AGAP1: variants seen among roughly 807,000 people sequenced by gnomAD.
AGAP1 encodes the protein arf-GAP with GTPase, ANK repeat and PH domain-containing protein 1.
AGAP1 carries 29 observed loss-of-function variants against 105.3 expected under a neutral mutation model. The ratio of observed to expected loss-of-function variants is 0.28; its 90% CI spans 0.21 to 0.38. The LOEUF is 0.38. Ranked by LOEUF, AGAP1 falls within the 10% of genes least tolerant of loss-of-function variation. AGAP1 has a pLI of 1.00. For synonymous variants in AGAP1, 509 were observed against 485.9 expected (o/e 1.05, Z -0.63); for missense variants, 998 against 1,165.1 (o/e 0.86, Z 2.09).
At chr2:236,026,073 G>T (rs2057041829) in intron 13 of AGAP1, among the ~76,000 whole-genome samples, 1 of 152,220 alleles carries the variant, frequency 6.6e-6, no homozygotes, top group Non-Finnish European at 1.5e-5. Flanking sequence ...CACAGGGAGT[G>T]GCCTGATAAC....
intron 13 of AGAP1, among the ~76,000 whole-genome samples, chr2:235,999,476 G>A (rs1361116773): frequency 6.6e-6 from 1 of 150,584 alleles, no homozygotes; most frequent in Non-Finnish European, 1.5e-5. Flanking sequence ...AGTGATTGTG[G>A]TGACGATGGT....
chr2:235,825,126 A>G (rs997221049), intron 9 of AGAP1, among the ~76,000 whole-genome samples: 9 of 152,276 alleles, frequency 5.9e-5, no homozygotes, highest in Admixed American at 5.9e-4. Context: ...TTGAGTGTGG[A>G]TAGAAGGAGA....
At chr2:235,859,185 C>A (rs528178671) in intron 9 of AGAP1, among the ~76,000 whole-genome samples, 2 of 152,206 alleles carry the variant, frequency 1.3e-5, no homozygotes, top group South Asian at 4.2e-4. Flanking sequence ...TTCCATTAGC[C>A]GTACTCTGGG....
chr2:236,091,272 CCT>C (rs2059053450), intron 16 of AGAP1, among the ~76,000 whole-genome samples: 1 of 152,200 alleles, frequency 6.6e-6, no homozygotes, highest in African/African-American at 2.4e-5. Context: ...GGGGCCCTGC[CCT>C]CTGACACAGG....
At chr2:235,942,611 G>A (rs1575838777) in intron 12 of AGAP1, among the ~76,000 whole-genome samples, 1 of 151,774 alleles carries the variant, frequency 6.6e-6, no homozygotes, top group African/African-American at 2.4e-5. Context: ...CACAGAGGTT[G>A]CAGTGAGCCG....
At chr2:235,516,337 A>G (rs1375105274) in intron 1 of AGAP1, among the ~76,000 whole-genome samples, 1 of 152,068 alleles carries the variant, frequency 6.6e-6, no homozygotes, top group East Asian at 1.9e-4. Context: ...TCTCAGGCCC[A>G]GGAGCATTAT....
rs538097989 is a variant in AGAP1, at chr2:236,082,539, G to A, written c.2114+33258G>A. ...CCAAAAGGCCTATCAGGGGCAAACAGCTCACCTGCAGTGGTGATTGGTTTA... is the reference window on the plus strand; with the variant it reads ...CCAAAAGGCCTATCAGGGGCAAACAACTCACCTGCAGTGGTGATTGGTTTA... On this transcript the variant is annotated intron_variant, in intron 16 of 17. Transcript: ENST00000304032. The surrounding 1 kb of genome is among the most constrained non-coding windows in gnomAD (Gnocchi z 4.2). Among the ~76,000 whole-genome samples the A allele has an allele frequency of 6.8e-4, 103 of 152,320 alleles. No homozygotes were observed. Among genetic ancestry groups the A allele is most frequent in the Non-Finnish European group, 1.4e-3 (95 of 68,034 alleles).
chr2:235,738,013 G>A (rs144351404), intron 3 of AGAP1, among the ~76,000 whole-genome samples: 34 of 152,096 alleles, frequency 2.2e-4, no homozygotes, highest in Middle Eastern at 3.4e-3. Context: ...CTCAGCGTCC[G>A]GAGGGCACAG....
In AGAP1 at chr2:236,040,520, T is replaced by C; in HGVS notation, c.1801-231T>C. ...TTGCTCATTTCTGGCAGAGTCCGTC[T>C]CAGCTGATGAGTTAAAATGTGACAT... On this transcript the variant is annotated intron_variant, in intron 14 of 17. Transcript: ENST00000304032. This position sits in a 1 kb window ranked among gnomAD's most constrained non-coding sequence, Gnocchi z 5.6. 1.9e-6 allele frequency: 1 copy of C among 536,976 alleles called. No individual in the cohort carries two copies. The highest frequency in any genetic ancestry group is 3.4e-6 in the Non-Finnish European group (1 of 298,506). The allele number at this position is 536,976 out of a possible 1,614,324, so 33.3% of individuals were successfully genotyped here. A position where few individuals can be genotyped will look rare whatever the true frequency, so the allele number is the denominator to read the frequency against.
chr2:235,754,555 T>C lies in AGAP1; in HGVS notation c.673+4067T>C, dbSNP rs530811312. On this transcript the variant is annotated intron_variant, in intron 6 of 17. Transcript: ENST00000304032. This position sits in a 1 kb window ranked among gnomAD's most constrained non-coding sequence, Gnocchi z 4.6. ...TCTTCTCCAACATTTGACTTCTTAG[T>C]GTCTTGTAACAAAAGGACATTGTAA... Among the ~76,000 whole-genome samples, 11 of 152,352 alleles carry C rather than the reference T, an allele frequency of 7.2e-5. No individual in the cohort carries two copies. Among genetic ancestry groups the C allele is most frequent in the East Asian group, 5.8e-4 (3 of 5,182 alleles).
chr2:235,936,845 G>A lies in AGAP1; in HGVS notation c.1483+5922G>A, dbSNP rs1193041875. Reference sequence around the variant, plus strand: ...TCTCTGATAACTGAGCTTCCAAAAGGCTGAGAAACCAAGACCATACTTATC... The same window carrying A: ...TCTCTGATAACTGAGCTTCCAAAAGACTGAGAAACCAAGACCATACTTATC... On this transcript the variant is annotated intron_variant, in intron 12 of 17. Coordinates refer to ENST00000304032, the MANE Select transcript of AGAP1 (RefSeq NM_001037131.3). The surrounding 1 kb of genome is among the most constrained non-coding windows in gnomAD (Gnocchi z 4.7). Among the ~76,000 whole-genome samples, 1 of 151,962 alleles carries A rather than the reference G, an allele frequency of 6.6e-6. No individual in the cohort carries two copies. Among genetic ancestry groups the A allele is most frequent in the Non-Finnish European group, 1.5e-5 (1 of 68,026 alleles).
intron 1 of AGAP1, among the ~76,000 whole-genome samples, chr2:235,506,770 C>G (rs1289865157): frequency 6.6e-6 from 1 of 152,190 alleles, no homozygotes; most frequent in African/African-American, 2.4e-5. Flanking sequence ...CACTCACATC[C>G]ATGTTCATCC....
intron 1 of AGAP1, among the ~76,000 whole-genome samples, chr2:235,650,161 A>T (rs1252645500): frequency 1.3e-5 from 2 of 152,196 alleles, no homozygotes; most frequent in African/African-American, 2.4e-5. Context: ...CAGGAGTTCG[A>T]GACCAGCCTG....
chr2:235,994,637 C>T lies in AGAP1; in HGVS notation c.1645+26014C>T, dbSNP rs756058909. The stretch of plus-strand genomic sequence containing the variant: ...CCGACTTTCCCAACGCCTCGCAGCC[C>T]GATGATACAGAGACGGGGCAGCAGT... On this transcript the variant is annotated intron_variant, in intron 13 of 17. Coordinates refer to ENST00000304032, the MANE Select transcript of AGAP1 (RefSeq NM_001037131.3). The surrounding 1 kb of genome is among the most constrained non-coding windows in gnomAD (Gnocchi z 4.4). Among the ~76,000 whole-genome samples, 9 of 152,040 alleles carry T rather than the reference C, an allele frequency of 5.9e-5. No individual in the cohort carries two copies. The highest frequency in any genetic ancestry group is 1.7e-4 in the African/African-American group (7 of 41,394).
Position 236,062,552 on chromosome 2 carries a change from T to C in AGAP1, c.2114+13271T>C, listed in dbSNP as rs1389994131. ...ATGCAGTGGCATGATCATAGCTTAC[T>C]GCAACCCCAGACTCCCAGGCTCAAG... On this transcript the variant is annotated intron_variant, in intron 16 of 17. Transcript: ENST00000304032. This position sits in a 1 kb window ranked among gnomAD's most constrained non-coding sequence, Gnocchi z 4.2. 2.0e-5 allele frequency among the ~76,000 whole-genome samples: 3 copies of C among 152,168 alleles called. No individual in the cohort carries two copies. The highest frequency in any genetic ancestry group is 7.2e-5 in the African/African-American group (3 of 41,446).
intron 6 of AGAP1, among the ~76,000 whole-genome samples, chr2:235,755,274 G>A (rs1953826186): frequency 6.6e-6 from 1 of 152,108 alleles, no homozygotes; most frequent in Admixed American, 6.5e-5. Flanking sequence ...CTATATACAA[G>A]TTTTTCTATT....
At chr2:235,749,433 T>C (rs1478776139) in intron 5 of AGAP1, among the ~76,000 whole-genome samples, 1 of 151,882 alleles carries the variant, frequency 6.6e-6, no homozygotes, top group Non-Finnish European at 1.5e-5. Context: ...GACATCCCTG[T>C]GCAGCTGCTC....
chr2:235,868,907 C>T (rs2049307409), intron 9 of AGAP1, among the ~76,000 whole-genome samples: 1 of 152,204 alleles, frequency 6.6e-6, no homozygotes, highest in Non-Finnish European at 1.5e-5. Context: ...CAATTCTACT[C>T]TTTGCTCCAC....
Position 236,001,281 on chromosome 2 carries a change from C to T in AGAP1, c.1645+32658C>T, listed in dbSNP as rs1037973281. Among the ~76,000 whole-genome samples, 5 of 152,168 alleles carry T rather than the reference C, an allele frequency of 3.3e-5. No individual in the cohort carries two copies. Among genetic ancestry groups the T allele is most frequent in the South Asian group, 2.1e-4 (1 of 4,830 alleles). ...AGCCCTGGCATGGCCTTCAGGCCTC[C>T]GAGGAACCCAGAGGAGGAAACGCAT... On this transcript the variant is annotated intron_variant, in intron 13 of 17. Coordinates refer to ENST00000304032, the MANE Select transcript of AGAP1 (RefSeq NM_001037131.3). The surrounding 1 kb of genome is among the most constrained non-coding windows in gnomAD (Gnocchi z 4.7).
Sources: allele counts gnomAD v4.1 joint callset (sites outside exome capture counted in the v4.1 genomes callset), GRCh38; gene constraint gnomAD v4.1.1; non-coding constraint Gnocchi (gnomAD v3.1); transcripts MANE v1.5; gene names NCBI Gene and HGNC (gene_info 2026-07-23, HGNC 2026-07-21).